CCDC30: variants seen among roughly 807,000 people sequenced by gnomAD.
CCDC30 encodes the protein coiled-coil domain-containing protein 30.
A neutral mutation model predicts 100.2 loss-of-function variants in CCDC30; 70 were observed. That is an observed-to-expected ratio of 0.70 (90% CI 0.58 to 0.85). The LOEUF is 0.85. CCDC30 is among the 40% of genes least tolerant of loss of function. The pLI, the probability that CCDC30 is intolerant of heterozygous loss-of-function variation, is 0.00. For missense variants in CCDC30, 652 were observed against 771.2 expected (o/e 0.85, Z 1.83); for synonymous variants, 233 against 269.5 (o/e 0.86, Z 1.33).
intron 11 of CCDC30, among the ~76,000 whole-genome samples, chr1:42,634,336 T>A (rs755194647): frequency 3.8e-4 from 57 of 151,854 alleles, no homozygotes; most frequent in Non-Finnish European, 3.7e-4. Flanking sequence ...CCATTTTAGT[T>A]GTTACAACTG....
intron 11 of CCDC30, among the ~76,000 whole-genome samples, chr1:42,624,089 C>A (rs1646888970): frequency 6.6e-6 from 1 of 152,136 alleles, no homozygotes; most frequent in African/African-American, 2.4e-5. Context: ...TTCTATTCTG[C>A]AACTTTACTG....
intron 1 of CCDC30, among the ~76,000 whole-genome samples, chr1:42,472,577 A>C (rs757347082): frequency 2.6e-5 from 4 of 152,224 alleles, no homozygotes; most frequent in Non-Finnish European, 5.9e-5. Flanking sequence ...TTGGACTTTA[A>C]AAAAGAAACA....
chr1:42,501,951 G>A (rs975687141), intron 6 of CCDC30, among the ~76,000 whole-genome samples: 18 of 152,188 alleles, frequency 1.2e-4, no homozygotes, highest in African/African-American at 2.7e-4. Context: ...CTCAAACTCC[G>A]TGCTGGGAGA....
intron 6 of CCDC30, among the ~76,000 whole-genome samples, chr1:42,533,488 C>T (rs1644840792): frequency 6.6e-6 from 1 of 152,172 alleles, no homozygotes; most frequent in African/African-American, 2.4e-5. Flanking sequence ...GGGAACTTGA[C>T]CAAAGTAATA....
intron 12 of CCDC30, among the ~76,000 whole-genome samples, chr1:42,639,715 G>C (rs780497251): frequency 2.6e-5 from 4 of 152,140 alleles, no homozygotes; most frequent in Admixed American, 6.5e-5. Context: ...CATACACAAG[G>C]CTTTTGTGAG....
intron 15 of CCDC30, among the ~76,000 whole-genome samples, chr1:42,649,496 A>G (rs1017725115): frequency 6.6e-6 from 1 of 152,210 alleles, no homozygotes; most frequent in Non-Finnish European, 1.5e-5. Flanking sequence ...CTAACATTAT[A>G]CTCAATGGAG....
chr1:42,489,705 G>A (rs920722936), intron 3 of CCDC30, among the ~76,000 whole-genome samples: 1 of 152,128 alleles, frequency 6.6e-6, no homozygotes, highest in Admixed American at 6.5e-5. Flanking sequence ...TTCTTGCATA[G>A]CACCAAAAGC....
chr1:42,622,176 G>T (rs548154421), intron 11 of CCDC30, among the ~76,000 whole-genome samples: 12 of 152,226 alleles, frequency 7.9e-5, no homozygotes, highest in Non-Finnish European at 1.6e-4. Flanking sequence ...ACAAATAAAT[G>T]AGAACATATG....
intron 9 of CCDC30, among the ~76,000 whole-genome samples, chr1:42,582,355 T>C (rs910025392): frequency 6.6e-6 from 1 of 152,214 alleles, no homozygotes; most frequent in Admixed American, 6.5e-5. Flanking sequence ...AACCATATCA[T>C]TGCAGTCTTT....
At chr1:42,616,157 C>T (rs1435465914) in intron 11 of CCDC30, among the ~76,000 whole-genome samples, 2 of 152,194 alleles carry the variant, frequency 1.3e-5, no homozygotes, top group African/African-American at 4.8e-5. Flanking sequence ...CTCAGACGAT[C>T]CACTCGCCTT....
At chr1:42,525,928 T>C (rs1644717050) in intron 6 of CCDC30, among the ~76,000 whole-genome samples, 1 of 152,190 alleles carries the variant, frequency 6.6e-6, no homozygotes, top group African/African-American at 2.4e-5. Context: ...TGTTCTTTGC[T>C]TATCTTTGTG....
At chr1:42,640,014 T>C (rs1647275344) in intron 12 of CCDC30, among the ~76,000 whole-genome samples, 1 of 151,978 alleles carries the variant, frequency 6.6e-6, no homozygotes, top group Non-Finnish European at 1.5e-5. Flanking sequence ...GGTGGATTCA[T>C]TGTTCACATG....
intron 11 of CCDC30, among the ~76,000 whole-genome samples, chr1:42,621,657 G>A (rs887621432): frequency 1.3e-5 from 2 of 151,976 alleles, no homozygotes; most frequent in Admixed American, 6.6e-5. Flanking sequence ...GACTACAGGC[G>A]CCTGCCACCA....
intron 6 of CCDC30, among the ~76,000 whole-genome samples, chr1:42,511,386 A>G (rs898692235): frequency 1.3e-5 from 2 of 152,172 alleles, no homozygotes; most frequent in African/African-American, 4.8e-5. Flanking sequence ...TAATGGAGAA[A>G]GGGTACTAGA....
chr1:42,548,200 G>A (rs533234435), intron 6 of CCDC30, among the ~76,000 whole-genome samples: 1 of 152,330 alleles, frequency 6.6e-6, no homozygotes, highest in Admixed American at 6.5e-5. Context: ...CTGTATTAGG[G>A]AGTTTGGACA....
intron 11 of CCDC30, among the ~76,000 whole-genome samples, chr1:42,629,931 C>T (rs982194185): frequency 8.0e-5 from 12 of 149,636 alleles, no homozygotes; most frequent in African/African-American, 2.2e-4. Flanking sequence ...TTTTCCTACA[C>T]GCTCTTTAAG....
chr1:42,577,267 A>C (rs1188621199), intron 8 of CCDC30, 38 bp downstream of exon 12: 2 of 1,259,510 alleles, frequency 1.6e-6, no homozygotes, highest in Non-Finnish European at 2.3e-6. Flanking sequence ...CATACACTGA[A>C]TACCACTACT....
At chr1:42,461,322 C>G (rs1358480755), upstream of CCDC30, among the ~76,000 whole-genome samples, 1 of 152,138 alleles carries the variant, frequency 6.6e-6, no homozygotes, top group Non-Finnish European at 1.5e-5. Flanking sequence ...GTTCTGGAAG[C>G]AGCAGTCCCT....
downstream of CCDC30, among the ~76,000 whole-genome samples, chr1:42,655,307 C>T (rs948488277): frequency 5.7e-4 from 87 of 152,004 alleles, no homozygotes; most frequent in African/African-American, 2.0e-3. Context: ...TTTGGGAGGC[C>T]GAGGTGGGCA....
Sources: gnomAD v4.1 joint callset for allele counts (sites outside exome capture counted in the v4.1 genomes callset) on GRCh38, gnomAD v4.1.1 for gene constraint, MANE v1.5 for transcripts, NCBI Gene and HGNC (gene_info 2026-07-23, HGNC 2026-07-21) for gene names.